RAB11FIP3: variants seen among roughly 807,000 people sequenced by gnomAD.
RAB11FIP3 encodes RAB11 family interacting protein 3.
In RAB11FIP3, 17 loss-of-function variants were observed where a neutral mutation model predicts 77.8. That is an observed-to-expected ratio of 0.22 (90% CI 0.15 to 0.33). The LOEUF (loss-of-function observed/expected upper bound fraction) is 0.33, where lower values mean the gene tolerates loss of function less well. Ranked by LOEUF, RAB11FIP3 falls within the 10% of genes least tolerant of loss-of-function variation. RAB11FIP3 has a pLI of 1.00. For synonymous variants in RAB11FIP3, 437 were observed against 448.2 expected (o/e 0.98, Z 0.31); for missense variants, 1,005 against 1,011.2 (o/e 0.99, Z 0.08).
rs113449069 is a variant in RAB11FIP3, at chr16:429,592, C to T, written c.714+2872C>T. On this transcript the variant is annotated intron_variant, in intron 1 of 13. Coordinates refer to ENST00000262305, the MANE Select transcript of RAB11FIP3 (RefSeq NM_014700.4). ...TCGGCTCACTGCAACCTCTGCCTCC[C>T]GGGTTCAAGCGATTCTCCTGCTTCA... 4.5e-4 allele frequency among the ~76,000 whole-genome samples: 68 copies of T among 150,682 alleles called. 1 individual carries two copies. Among genetic ancestry groups the T allele is most frequent in the African/African-American group, 1.5e-3 (63 of 40,848 alleles).
At chr16:440,058 T>G (rs1193238956) in intron 1 of RAB11FIP3, among the ~76,000 whole-genome samples, 1 of 151,978 alleles carries the variant, frequency 6.6e-6, no homozygotes, top group African/African-American at 2.4e-5. Flanking sequence ...GCCAGGATGG[T>G]CTCGATCTCC....
rs556679268 is a variant in RAB11FIP3 at position 431,539 on chromosome 16, T to G, written c.714+4819T>G. 3.9e-5 allele frequency among the ~76,000 whole-genome samples: 6 copies of G among 152,050 alleles called. No homozygotes were observed. The East Asian group carries it at 1.2e-3, about 30-fold the overall frequency. ...GGACTACAGGCGTGCAACGCCTGGC[T>G]AATTTTTATATTTTTAGTAGAGACG... On this transcript the variant is annotated intron_variant, in intron 1 of 13. Coordinates refer to ENST00000262305, the MANE Select transcript of RAB11FIP3 (RefSeq NM_014700.4).
chr16:482,520 C>T lies in RAB11FIP3; in HGVS notation c.904-5C>T, dbSNP rs1253776855. The T allele has an allele frequency of 4.3e-6, 7 of 1,613,296 alleles. No individual in the cohort carries two copies. The highest frequency in any genetic ancestry group is 5.9e-6 in the Non-Finnish European group (7 of 1,180,010). The stretch of plus-strand genomic sequence containing the variant: ...CCCGCTGACTGCTGGCGCACTCTCT[C>T]CTAGGCCAACGAGGTGACGGACAGC... On this transcript the variant is annotated splice_region_variant and splice_polypyrimidine_tract_variant and intron_variant, in intron 3 of 13. Coordinates refer to ENST00000262305, the MANE Select transcript of RAB11FIP3 (RefSeq NM_014700.4).
intron 9 of RAB11FIP3, among the ~76,000 whole-genome samples, chr16:516,170 G>A (rs1481992290): frequency 1.3e-5 from 2 of 152,218 alleles, no homozygotes; most frequent in Non-Finnish European, 2.9e-5. Context: ...CCTGGGTAGA[G>A]GACACCTTAA....
At position 461,972 on chromosome 16, in the gene RAB11FIP3, C is replaced by T. The variant is rs1207093874; in HGVS notation, c.808+475C>T. Among the ~76,000 whole-genome samples the T allele has an allele frequency of 6.6e-6, 1 of 152,200 alleles. No individual in the cohort carries two copies. Among genetic ancestry groups the T allele is most frequent in the Non-Finnish European group, 1.5e-5 (1 of 68,040 alleles). Reference sequence around the variant, plus strand: ...CCGCCCTGAACACTGCAGCCCGTACCACCATCGTTCCCTAGAGCTCAGTGT... The same window carrying T: ...CCGCCCTGAACACTGCAGCCCGTACTACCATCGTTCCCTAGAGCTCAGTGT... On this transcript the variant is annotated intron_variant, in intron 2 of 13. Coordinates refer to ENST00000262305, the MANE Select transcript of RAB11FIP3 (RefSeq NM_014700.4). This position sits in a 1 kb window ranked among gnomAD's most constrained non-coding sequence, Gnocchi z 4.5.
rs570923279 is a variant in RAB11FIP3, at chr16:478,195, C to CT, written c.904-4314dup. On this transcript the variant is annotated intron_variant, in intron 3 of 13. Coordinates refer to ENST00000262305, the MANE Select transcript of RAB11FIP3 (RefSeq NM_014700.4). ...GCAGGTCTTAGCACACTGTCTACTT[C>CT]TTTTTTTTTTTTTTTTGAGATGGAG... is the stretch of plus-strand genomic sequence containing the variant. Among the ~76,000 whole-genome samples, 1,322 of 140,146 alleles carry CT rather than the reference C, an allele frequency of 9.4e-3. 25 individuals are homozygous for CT. The highest frequency in any genetic ancestry group is 0.026 in the South Asian group (112 of 4,362). The allele number at this position is 140,146 out of a possible 152,430, so 91.9% of individuals were successfully genotyped here. A position where few individuals can be genotyped will look rare whatever the true frequency, so the allele number is the denominator to read the frequency against.
In RAB11FIP3 at chr16:505,451, A is replaced by G; in HGVS notation, c.1396-73A>G. ...TGAGAAAATCCCCAGGCGGCCTCCC[A>G]GGTTGTTCCCTTGGGGGTGCAGGCC... On this transcript the variant is annotated intron_variant, in intron 7 of 13. Coordinates refer to ENST00000262305, the MANE Select transcript of RAB11FIP3 (RefSeq NM_014700.4). The surrounding 1 kb of genome is among the most constrained non-coding windows in gnomAD (Gnocchi z 4.0). 1 of 1,233,518 alleles carries G rather than the reference A, an allele frequency of 8.1e-7. No individual in the cohort carries two copies. 76.4% of individuals were successfully genotyped at this position (1,233,518 alleles called of 1,614,324 possible).
At chr16:473,659 C>G (rs1247496974) in intron 3 of RAB11FIP3, among the ~76,000 whole-genome samples, 44 of 152,080 alleles carry the variant, frequency 2.9e-4, no homozygotes, top group Admixed American at 2.9e-3. Flanking sequence ...AGGCTGCTCT[C>G]AAACTCCTGA....
intron 6 of RAB11FIP3, 94 bp downstream of exon 6, chr16:496,953 G>A (rs951480688): frequency 8.0e-6 from 11 of 1,379,406 alleles, no homozygotes; most frequent in South Asian, 3.7e-5. Flanking sequence ...CTTTTCCAAG[G>A]TATTTTTTAA....
intron 1 of RAB11FIP3, among the ~76,000 whole-genome samples, chr16:433,545 T>A (rs1289205653): frequency 6.6e-6 from 1 of 152,018 alleles, no homozygotes; most frequent in East Asian, 1.9e-4. Context: ...TTCATTTTTT[T>A]ACGTGGCCAA....
At chr16:504,034 AC>A (rs2031684517) in intron 7 of RAB11FIP3, among the ~76,000 whole-genome samples, 1 of 34,448 alleles carries the variant, frequency 2.9e-5, no homozygotes, top group East Asian at 1.0e-3. Flanking sequence ...GTACCCCCTC[AC>A]TACCTCCTGT....
At chr16:498,469 C>G (rs1357343662) in intron 6 of RAB11FIP3, among the ~76,000 whole-genome samples, 2 of 152,212 alleles carry the variant, frequency 1.3e-5, no homozygotes, top group Non-Finnish European at 2.9e-5. Flanking sequence ...GCCGTCACAC[C>G]TGGCCATGGA....
intron 7 of RAB11FIP3, 110 bp downstream of exon 7, chr16:503,207 C>A (rs564292877): frequency 2.3e-4 from 182 of 798,136 alleles, no homozygotes; most frequent in Non-Finnish European, 3.2e-4. Flanking sequence ...CCGGAGGTGA[C>A]CCCATGTCCT....
chr16:520,091 C>T (rs2032608445), intron 11 of RAB11FIP3, 31 bp from the exon 12 acceptor site: 1 of 1,539,822 alleles, frequency 6.5e-7, no homozygotes, highest in Non-Finnish European at 8.7e-7. Context: ...GGAGCCCAGG[C>T]CCCCCGGCTC....
At chr16:440,996 A>G (rs890054575) in intron 1 of RAB11FIP3, among the ~76,000 whole-genome samples, 1 of 150,328 alleles carries the variant, frequency 6.7e-6, no homozygotes, top group Non-Finnish European at 1.5e-5. Flanking sequence ...GGTGGAGTGC[A>G]TTGGTGCAAT....
At chr16:480,959 G>A (rs1270593762) in intron 3 of RAB11FIP3, among the ~76,000 whole-genome samples, 1 of 111,586 alleles carries the variant, frequency 9.0e-6, no homozygotes, top group African/African-American at 2.8e-5. Context: ...ACAGGAGTTC[G>A]CCACCACACC....
chr16:484,983 G>T (rs79555927), intron 4 of RAB11FIP3, among the ~76,000 whole-genome samples: 117 of 152,178 alleles, frequency 7.7e-4, no homozygotes, highest in African/African-American at 2.8e-3. Flanking sequence ...CCTTGTGGGG[G>T]GCATGCAGAG....
chr16:434,756 C>T (rs1450478914), intron 1 of RAB11FIP3, among the ~76,000 whole-genome samples: 2 of 152,086 alleles, frequency 1.3e-5, no homozygotes, highest in East Asian at 3.9e-4. Flanking sequence ...TACTTGTCCC[C>T]AGGAAGATTC....
At chr16:463,191 G>A (rs2055645536) in intron 2 of RAB11FIP3, among the ~76,000 whole-genome samples, 2 of 152,030 alleles carry the variant, frequency 1.3e-5, no homozygotes, top group African/African-American at 4.8e-5. Context: ...TTGGCCAGGC[G>A]GTGTAGGGGT....
Sources: allele counts gnomAD v4.1 joint callset (sites outside exome capture counted in the v4.1 genomes callset), GRCh38; gene constraint gnomAD v4.1.1; non-coding constraint Gnocchi (gnomAD v3.1); transcripts MANE v1.5; gene names NCBI Gene and HGNC (gene_info 2026-07-23, HGNC 2026-07-21).